DOCK10: variants seen among roughly 807,000 people sequenced by gnomAD.
DOCK10 encodes dedicator of cytokinesis 10.
DOCK10 carries 145 observed loss-of-function variants against 280.1 expected under a neutral mutation model. That is an observed-to-expected ratio of 0.52 (90% CI 0.45 to 0.59). The LOEUF is 0.59. DOCK10 is among the 20% of genes least tolerant of loss of function. DOCK10 has a pLI of 0.00. For synonymous variants in DOCK10, 915 were observed against 942.2 expected (o/e 0.97, Z 0.53); for missense variants, 2,368 against 2,651.7 (o/e 0.89, Z 2.35).
At chr2:224,905,293 TGC>T (rs576469006) in intron 3 of DOCK10, among the ~76,000 whole-genome samples, 17,543 of 142,156 alleles carry the variant, frequency 0.12, 3,305 homozygotes, top group African/African-American at 0.42. Flanking sequence ...CAGGCCGGAC[TGC>T]GGACTGCAGC....
intron 1 of DOCK10, among the ~76,000 whole-genome samples, chr2:224,941,223 G>T (rs1328526090): frequency 6.8e-6 from 1 of 147,996 alleles, no homozygotes; most frequent in Non-Finnish European, 1.5e-5. Context: ...AGATGAGTAA[G>T]CTTGGATTTT....
chr2:224,874,020 C>A lies in DOCK10; in HGVS notation c.1233G>T (p.Glu411Asp), dbSNP rs759197256. 1.2e-5 allele frequency: 20 copies of A among 1,611,858 alleles called. No homozygotes were observed. The highest frequency in any genetic ancestry group is 8.4e-5 in the Admixed American group (5 of 59,592). Residue 411 changes from glutamate (E) to aspartate (D), a missense_variant, in exon 11 of 56, where the codon GAG (glutamate) becomes GAT (aspartate). Glu to Asp is a conservative substitution (Grantham distance 45, BLOSUM62 2). This residue lies in a region of DOCK10 where 1,209 missense variants were observed against 1,250.9 expected (regional missense o/e 0.97). Coordinates refer to ENST00000258390, the MANE Select transcript of DOCK10 (RefSeq NM_014689.3). The stretch of plus-strand genomic sequence containing the variant: ...CATTCGTTATCGGATCATTTTCATT[C>A]TCCGTAACACATCCCTGAAGATTTG... ...LNSNLQGCVTENENDPITNIE... is the reference protein window; with the variant it reads ...LNSNLQGCVTDNENDPITNIE...
chr2:224,832,856 C>T (rs1284142773), intron 26 of DOCK10, among the ~76,000 whole-genome samples: 1 of 152,162 alleles, frequency 6.6e-6, no homozygotes, highest in Non-Finnish European at 1.5e-5. Flanking sequence ...GAGCTTTTGC[C>T]TGTTCACGTC....
Position 224,849,598 on chromosome 2 carries a change from C to T in DOCK10, c.2144G>A (p.Cys715Tyr), listed in dbSNP as rs200712608. The change falls in exon 19 of 56, where the codon TGT becomes TAT. Residue 715 changes from cysteine (C) to tyrosine (Y), a missense_variant and splice_region_variant. This residue lies in a region of DOCK10 where 1,209 missense variants were observed against 1,250.9 expected (regional missense o/e 0.97). Transcript: ENST00000258390. ...GGGCCCTCCAGGTTTTCCATAAATA[C>T]ACTGTTTGAAAAGTTATGAGTTGAA... ...SDEESAKPLK[C>Y]IYGKPGGPLF... 2.8e-5 allele frequency: 44 copies of T among 1,597,022 alleles called. No homozygotes were observed. In the Admixed American group the frequency reaches 7.1e-4, roughly 26 times the overall value.
At chr2:224,814,879 T>C (rs1207132971) in intron 30 of DOCK10, among the ~76,000 whole-genome samples, 1 of 152,216 alleles carries the variant, frequency 6.6e-6, no homozygotes, top group Admixed American at 6.5e-5. Flanking sequence ...GTTAGCTTTC[T>C]ACTTGAGCAT....
chr2:224,784,199 A>G (rs2125060318), intron 50 of DOCK10, among the ~76,000 whole-genome samples: 1 of 152,302 alleles, frequency 6.6e-6, no homozygotes, highest in East Asian at 1.9e-4. Flanking sequence ...AATTAGTCCC[A>G]TCACCTCTGA....
At chr2:224,801,135 T>C (rs1692963630) in intron 40 of DOCK10, among the ~76,000 whole-genome samples, 1 of 152,030 alleles carries the variant, frequency 6.6e-6, no homozygotes, top group South Asian at 2.1e-4. Context: ...ATTGTAAATG[T>C]TTCTTATCAG....
chr2:224,946,234 GCT>G (rs1466597456), intron 1 of DOCK10, among the ~76,000 whole-genome samples: 2 of 152,134 alleles, frequency 1.3e-5, no homozygotes, highest in African/African-American at 4.8e-5. Context: ...AGGTTTTCAA[GCT>G]CTCATTTTGT....
intron 1 of DOCK10, chr2:224,947,075 A>G (rs1425105037): frequency 4.3e-6 from 6 of 1,380,594 alleles, no homozygotes; most frequent in African/African-American, 1.5e-5. Flanking sequence ...TGCTCATGCT[A>G]CATGAATGTA....
chr2:224,765,847 G>A lies in DOCK10; in HGVS notation c.6445-10C>T, dbSNP rs1254016776. 1.2e-6 allele frequency: 2 copies of A among 1,606,094 alleles called. No individual in the cohort carries two copies. Among genetic ancestry groups the A allele is most frequent in the Admixed American group, 1.7e-5 (1 of 59,706 alleles). ...CGTCCCTGCCCGTAATCTTAAAACA[G>A]GGAAAAACACAACACAACAGAATGC... On this transcript the variant is annotated splice_polypyrimidine_tract_variant and intron_variant, in intron 55 of 55. Transcript: ENST00000258390.
intron 1 of DOCK10, among the ~76,000 whole-genome samples, chr2:224,973,072 G>A: frequency 6.6e-6 from 1 of 152,114 alleles, no homozygotes; most frequent in Non-Finnish European, 1.5e-5. Context: ...ATTCTTTAAA[G>A]TAAATTAAGT....
intron 1 of DOCK10, among the ~76,000 whole-genome samples, chr2:225,035,573 T>TAATATATATATATATATATATATATA (rs33971093): frequency 9.1e-5 from 4 of 44,134 alleles, no homozygotes; most frequent in Admixed American, 2.8e-4. Context: ...TATATATATA[T>TAATATATATATATATATATATATATA]ATATATATAT....
intron 11 of DOCK10, among the ~76,000 whole-genome samples, chr2:224,873,662 G>A (rs1266711790): frequency 1.3e-5 from 2 of 149,192 alleles, no homozygotes; most frequent in Non-Finnish European, 3.0e-5. Context: ...AATGCCATAG[G>A]AAACTCTAAA....
At chr2:225,030,672 G>C (rs1433148634) in intron 1 of DOCK10, among the ~76,000 whole-genome samples, 1 of 152,112 alleles carries the variant, frequency 6.6e-6, no homozygotes, top group Non-Finnish European at 1.5e-5. Flanking sequence ...TGCCAATCAA[G>C]ATTTTGTTTT....
At chr2:224,836,032 G>A (rs1487368895) in intron 25 of DOCK10, among the ~76,000 whole-genome samples, 1 of 152,202 alleles carries the variant, frequency 6.6e-6, no homozygotes, top group Non-Finnish European at 1.5e-5. Context: ...GCTAGCCTTG[G>A]TAATCACAAA....
At position 224,797,068 on chromosome 2, in the gene DOCK10, T is replaced by G. The variant is rs754181640; in HGVS notation, c.4723A>C (p.Arg1575=). 9 of 1,613,562 alleles carry G rather than the reference T, an allele frequency of 5.6e-6. No homozygotes were observed. The highest frequency in any genetic ancestry group is 1.3e-5 in the African/African-American group (1 of 74,894). The part of the protein sequence containing the change: ...CYEVLKCCNH[R]SRSTQTEASA... ...GCTTCTGTCTGAGTTGACCGTGACC[T>G]GTGGTTACAGCATTTTAGGACTTCG... The change falls in exon 43 of 56, where the codon AGG becomes CGG. Residue 1575 remains arginine, a synonymous_variant. Transcript: ENST00000258390.
At chr2:224,830,080 C>A (rs112584015) in intron 27 of DOCK10, among the ~76,000 whole-genome samples, 4 of 152,206 alleles carry the variant, frequency 2.6e-5, no homozygotes, top group Admixed American at 6.5e-5. Context: ...TACCCTCCCC[C>A]CAGGCTGCTC....
At chr2:224,828,904 G>T (rs1695040248) in intron 27 of DOCK10, among the ~76,000 whole-genome samples, 1 of 152,162 alleles carries the variant, frequency 6.6e-6, no homozygotes, top group Non-Finnish European at 1.5e-5. Context: ...GGAAGATGGG[G>T]ATGTTCATTC....
chr2:224,992,980 C>A (rs1040781063), intron 1 of DOCK10, among the ~76,000 whole-genome samples: 1 of 152,128 alleles, frequency 6.6e-6, no homozygotes, highest in Admixed American at 6.5e-5. Flanking sequence ...ATAAATATTT[C>A]TTTTGAAGGT....
Sources: allele counts gnomAD v4.1 joint callset (sites outside exome capture counted in the v4.1 genomes callset), GRCh38; gene constraint gnomAD v4.1.1; regional missense constraint gnomAD v4.1.1; transcripts MANE v1.5; gene names NCBI Gene and HGNC (gene_info 2026-07-23, HGNC 2026-07-21).